CEP112: variants seen among roughly 807,000 people sequenced by gnomAD.
CEP112 encodes centrosomal protein of 112 kDa.
A neutral mutation model predicts 153.0 loss-of-function variants in CEP112; 127 were observed. The ratio of observed to expected loss-of-function variants is 0.83; its 90% CI spans 0.72 to 0.96. The LOEUF (loss-of-function observed/expected upper bound fraction) is 0.96, where lower values mean the gene tolerates loss of function less well. Among genes scored for constraint, CEP112 ranks in the 40% least tolerant of loss-of-function variants. The pLI is 0.00. For synonymous variants in CEP112, 358 were observed against 374.4 expected (o/e 0.96, Z 0.51); for missense variants, 1,089 against 1,101.2 (o/e 0.99, Z 0.16).
At chr17:65,838,118 T>C (rs953052018) in intron 21 of CEP112, among the ~76,000 whole-genome samples, 31 of 151,640 alleles carry the variant, frequency 2.0e-4, no homozygotes, top group Non-Finnish European at 4.3e-4. Context: ...AATACAATGA[T>C]ACAATTAAAA....
At chr17:65,946,134 T>G (rs1412056395) in intron 18 of CEP112, among the ~76,000 whole-genome samples, 7 of 152,212 alleles carry the variant, frequency 4.6e-5, no homozygotes, top group Non-Finnish European at 1.0e-4. Context: ...TGGAGTGCCC[T>G]TTCACCTTTG....
intron 21 of CEP112, among the ~76,000 whole-genome samples, chr17:65,809,847 G>C (rs912753744): frequency 2.7e-5 from 4 of 150,276 alleles, no homozygotes; most frequent in African/African-American, 9.8e-5. Context: ...ACTGAGTAAA[G>C]GAAGTGGGGG....
intron 4 of CEP112, among the ~76,000 whole-genome samples, chr17:66,164,879 C>T (rs1224972310): frequency 7.9e-6 from 1 of 125,954 alleles, no homozygotes; most frequent in African/African-American, 3.1e-5. Context: ...TATATATACA[C>T]ACATATATGT....
intron 23 of CEP112, among the ~76,000 whole-genome samples, chr17:65,697,703 C>T (rs893640010): frequency 2.0e-5 from 3 of 152,222 alleles, no homozygotes; most frequent in Non-Finnish European, 2.9e-5. Context: ...ACTATAGTTT[C>T]TGTTTTATTA....
rs144443788 is a variant in CEP112, at chr17:65,882,226, C to A, written c.2163+19926G>T. Among the ~76,000 whole-genome samples, 6 of 152,338 alleles carry A rather than the reference C, an allele frequency of 3.9e-5. No individual in the cohort carries two copies. In the South Asian group the frequency reaches 1.0e-3, roughly 26 times the overall value. ...AGAATGGCCTACATCTCCTTCTTCA[C>A]GGTTGATCTCAACTGATTACGTCTC... On this transcript the variant is annotated intron_variant, in intron 20 of 26. Coordinates refer to ENST00000535342, the MANE Select transcript of CEP112 (RefSeq NM_001199165.4).
At chr17:65,854,384 G>A (rs937898090) in intron 20 of CEP112, among the ~76,000 whole-genome samples, 1 of 151,892 alleles carries the variant, frequency 6.6e-6, no homozygotes, top group African/African-American at 2.4e-5. Flanking sequence ...CTATAATTTT[G>A]AGTGTTTACT....
rs374647427 is a variant in CEP112 at position 66,069,905 on chromosome 17, T to A, written c.855+10A>T. ...TTCAATATAATTAAAACACGAGATA[T>A]ATATCCTACCTTCTGAACATCAGCA... On this transcript the variant is annotated intron_variant, in intron 9 of 26. Transcript: ENST00000535342. 3 of 1,511,118 alleles carry A rather than the reference T, an allele frequency of 2.0e-6. No individual in the cohort carries two copies. In the African/African-American group the frequency reaches 4.1e-5, roughly 21 times the overall value. 93.6% of individuals were successfully genotyped at this position (1,511,118 alleles called of 1,614,324 possible).
chr17:65,970,205 TGTCATGC>T (rs1391862985), intron 17 of CEP112, among the ~76,000 whole-genome samples: 6 of 148,538 alleles, frequency 4.0e-5, no homozygotes, highest in Non-Finnish European at 7.4e-5. Flanking sequence ...GCTGCATGCA[TGTCATGC>T]ATGCATATAC....
intron 4 of CEP112, among the ~76,000 whole-genome samples, chr17:66,151,627 C>T (rs2071214223): frequency 6.6e-6 from 1 of 152,212 alleles, no homozygotes; most frequent in South Asian, 2.1e-4. Flanking sequence ...TGATGGAAGC[C>T]AGCTGCCATG....
At chr17:66,060,084 A>C (rs1029560140) in intron 11 of CEP112, among the ~76,000 whole-genome samples, 8 of 152,162 alleles carry the variant, frequency 5.3e-5, no homozygotes, top group Non-Finnish European at 7.3e-5. Context: ...GTGGGAGCTA[A>C]ACATTGGTAT....
chr17:66,107,900 T>A (rs1322517893), intron 6 of CEP112, among the ~76,000 whole-genome samples: 1 of 152,042 alleles, frequency 6.6e-6, no homozygotes, highest in Non-Finnish European at 1.5e-5. Context: ...CAAACTATAG[T>A]ACAAAGCTAC....
At chr17:66,023,669 G>C (rs1365532585) in intron 16 of CEP112, among the ~76,000 whole-genome samples, 1 of 152,006 alleles carries the variant, frequency 6.6e-6, no homozygotes, top group Admixed American at 6.6e-5. Flanking sequence ...AAAGGAGGAA[G>C]AGAAAGAAAT....
chr17:65,854,143 C>G (rs868282558), intron 20 of CEP112, among the ~76,000 whole-genome samples: 14 of 152,096 alleles, frequency 9.2e-5, no homozygotes, highest in African/African-American at 3.4e-4. Flanking sequence ...GTATGTTCAA[C>G]AAGCACAGCC....
intron 17 of CEP112, 41 bp from the exon 18 acceptor site, chr17:65,961,639 G>T: frequency 6.5e-7 from 1 of 1,527,694 alleles, no homozygotes; most frequent in Non-Finnish European, 8.9e-7. Flanking sequence ...AAATATAAAA[G>T]AGCTAGGCCT....
intron 21 of CEP112, among the ~76,000 whole-genome samples, chr17:65,798,992 C>A (rs1024633285): frequency 6.6e-6 from 1 of 152,090 alleles, no homozygotes; most frequent in African/African-American, 2.4e-5. Flanking sequence ...AGGCAGAAAC[C>A]AAATGTTTGA....
chr17:65,757,327 G>A (rs1353852492), intron 21 of CEP112, among the ~76,000 whole-genome samples: 1 of 152,188 alleles, frequency 6.6e-6, no homozygotes. Flanking sequence ...GAACAATGAT[G>A]GGAGCTTCTG....
chr17:66,165,887 G>T (rs1054316007), intron 4 of CEP112, among the ~76,000 whole-genome samples: 1 of 152,098 alleles, frequency 6.6e-6, no homozygotes, highest in African/African-American at 2.4e-5. Context: ...TTCCATAAGG[G>T]CAGGACCATA....
At chr17:65,673,321 C>G (rs1397355925) in intron 24 of CEP112, among the ~76,000 whole-genome samples, 1 of 152,158 alleles carries the variant, frequency 6.6e-6, no homozygotes, top group African/African-American at 2.4e-5. Context: ...TCAAATCTCT[C>G]TAGCCCCCCC....
At chr17:65,762,652 C>T (rs1352172222) in intron 21 of CEP112, among the ~76,000 whole-genome samples, 1 of 151,752 alleles carries the variant, frequency 6.6e-6, no homozygotes, top group Non-Finnish European at 1.5e-5. Context: ...AATCCAATTC[C>T]ACTTTCAAAT....
Sources: gnomAD v4.1 joint callset for allele counts (sites outside exome capture counted in the v4.1 genomes callset) on GRCh38, gnomAD v4.1.1 for gene constraint, MANE v1.5 for transcripts, NCBI Gene and HGNC (gene_info 2026-07-23, HGNC 2026-07-21) for gene names.